The following THUMPD2 variants were observed in gnomAD, a reference collection of about 807,000 sequenced individuals.
THUMPD2 encodes U6 snRNA (guanine-N(2))-methyltransferase THUMPD2.
A neutral mutation model predicts 49.4 loss-of-function variants in THUMPD2; 56 were observed. The observed-to-expected ratio is 1.13, with a 90% CI of 0.91 to 1.41. The LOEUF is 1.41. Among genes scored for constraint, THUMPD2 ranks in the 40% most tolerant of loss-of-function variants. THUMPD2 has a pLI of 0.00. For missense variants in THUMPD2, 709 were observed against 594.5 expected, an observed-to-expected ratio of 1.19 and a Z score of -2.00; for synonymous variants, 237 against 205.2, an observed-to-expected ratio of 1.15 and a Z score of -1.32.
intron 8 of THUMPD2, among the ~76,000 whole-genome samples, chr2:39,747,387 G>A (rs193190913): frequency 5.6e-4 from 85 of 152,162 alleles, no homozygotes; most frequent in African/African-American, 1.9e-3. Flanking sequence ...AGCTTTCAAT[G>A]AAATTTTGAT....
At chr2:39,749,695 C>T (rs1675126408) in intron 8 of THUMPD2, among the ~76,000 whole-genome samples, 1 of 152,090 alleles carries the variant, frequency 6.6e-6, no homozygotes, top group African/African-American at 2.4e-5. Context: ...TACAGATCAA[C>T]CCACCACCTT....
intron 1 of THUMPD2, among the ~76,000 whole-genome samples, chr2:39,774,800 C>G (rs1284756529): frequency 6.6e-6 from 1 of 152,014 alleles, no homozygotes; most frequent in African/African-American, 2.4e-5. Flanking sequence ...TATATACAAT[C>G]TGTTTTTTTC....
intron 9 of THUMPD2, among the ~76,000 whole-genome samples, chr2:39,743,451 A>G (rs929584579): frequency 1.3e-5 from 2 of 152,188 alleles, no homozygotes; most frequent in African/African-American, 4.8e-5. Context: ...CAGAGCTGCT[A>G]TAGTTTGGAT....
At chr2:39,768,134 T>C (rs917691481) in intron 4 of THUMPD2, among the ~76,000 whole-genome samples, 15 of 152,310 alleles carry the variant, frequency 9.8e-5, no homozygotes, top group South Asian at 8.3e-4. Flanking sequence ...ATAGAGACTA[T>C]AGAGAACATC....
intron 8 of THUMPD2, among the ~76,000 whole-genome samples, chr2:39,754,653 C>T (rs754261465): frequency 1.1e-4 from 17 of 152,266 alleles, no homozygotes; most frequent in Admixed American, 2.0e-4. Flanking sequence ...ATTGTCTAAA[C>T]GCCAGGGATC....
intron 8 of THUMPD2, among the ~76,000 whole-genome samples, chr2:39,754,260 C>G (rs1219884591): frequency 6.6e-6 from 1 of 152,138 alleles, no homozygotes; most frequent in Non-Finnish European, 1.5e-5. Flanking sequence ...CCTTAGTTTG[C>G]TCTACAAACT....
At chr2:39,767,657 G>T (rs922477797) in intron 4 of THUMPD2, among the ~76,000 whole-genome samples, 1 of 148,250 alleles carries the variant, frequency 6.7e-6, no homozygotes, top group Non-Finnish European at 1.5e-5. Context: ...AATGATACTC[G>T]TATGTCAAAA....
intron 8 of THUMPD2, 71 bp downstream of exon 8, chr2:39,755,224 T>C: frequency 9.3e-7 from 1 of 1,078,166 alleles, no homozygotes; most frequent in Non-Finnish European, 1.3e-6. Flanking sequence ...GTGAGACTTG[T>C]TTTATATTAT....
intron 9 of THUMPD2, among the ~76,000 whole-genome samples, chr2:39,740,168 G>C (rs1260850329): frequency 6.6e-6 from 1 of 152,046 alleles, no homozygotes; most frequent in African/African-American, 2.4e-5. Context: ...TGTGGTGCTT[G>C]GTCATATAGT....
intron 9 of THUMPD2, among the ~76,000 whole-genome samples, chr2:39,738,174 C>T (rs1253153497): frequency 6.6e-6 from 1 of 151,996 alleles, no homozygotes; most frequent in Non-Finnish European, 1.5e-5. Context: ...AGGAGAAGAC[C>T]CATGAAGTAG....
intron 3 of THUMPD2, chr2:39,769,509 C>T (rs1678021579): frequency 4.3e-6 from 2 of 465,400 alleles, no homozygotes; most frequent in East Asian, 7.4e-5. Context: ...CCAGACCAGC[C>T]TGACCAATAT....
chr2:39,766,867 C>A (rs1677591012), intron 4 of THUMPD2, among the ~76,000 whole-genome samples: 1 of 152,192 alleles, frequency 6.6e-6, no homozygotes. Flanking sequence ...TCCATTTGGT[C>A]AATTTAATTA....
chr2:39,772,441 G>T (rs551842559), intron 1 of THUMPD2, among the ~76,000 whole-genome samples: 13 of 152,196 alleles, frequency 8.5e-5, no homozygotes, highest in Non-Finnish European at 1.6e-4. Context: ...AGAATGTGAT[G>T]CTAGAGGGAG....
intron 5 of THUMPD2, among the ~76,000 whole-genome samples, chr2:39,762,979 C>T (rs993388762): frequency 6.6e-6 from 1 of 151,846 alleles, no homozygotes; most frequent in Non-Finnish European, 1.5e-5. Flanking sequence ...TTTGCTTAAA[C>T]CTGGGCAAAA....
In THUMPD2 at chr2:39,772,610, C is replaced by G. The variant is rs72938136; in HGVS notation, c.127-970G>C. 7.9e-3 allele frequency among the ~76,000 whole-genome samples: 1,208 copies of G among 152,258 alleles called. 19 individuals are homozygous for G. The highest frequency in any genetic ancestry group is 0.028 in the African/African-American group (1,176 of 41,556). On this transcript the variant is annotated intron_variant, in intron 1 of 9. Transcript: ENST00000505747. ...AAAAGAGCACTGACTCACAGGAAGC[C>G]TAACATGCTGTGACAAATGGTGCTC...
chr2:39,773,305 T>C (rs1678582343), intron 1 of THUMPD2, among the ~76,000 whole-genome samples: 1 of 152,002 alleles, frequency 6.6e-6, no homozygotes, highest in Admixed American at 6.6e-5. Flanking sequence ...TGAAATACTT[T>C]ACTAAGATTC....
chr2:39,750,873 T>A (rs941499243), intron 8 of THUMPD2, among the ~76,000 whole-genome samples: 11 of 152,360 alleles, frequency 7.2e-5, no homozygotes, highest in Admixed American at 1.3e-4. Context: ...ATCAGCTGTC[T>A]TAAGAAATAG....
chr2:39,741,577 G>C (rs752126030), intron 9 of THUMPD2, among the ~76,000 whole-genome samples: 102 of 152,230 alleles, frequency 6.7e-4, no homozygotes, highest in Middle Eastern at 3.4e-3. Flanking sequence ...AAACTCAAAT[G>C]TACTTCTCTG....
chr2:39,744,778 A>G (rs1674350920), intron 8 of THUMPD2: 1 of 183,052 alleles, frequency 5.5e-6, no homozygotes, highest in Non-Finnish European at 1.1e-5. Flanking sequence ...TTGTATAGAA[A>G]GCTGCTAGCT....
Sources: gnomAD v4.1 joint callset for allele counts (sites outside exome capture counted in the v4.1 genomes callset) on GRCh38, gnomAD v4.1.1 for gene constraint, MANE v1.5 for transcripts, NCBI Gene and HGNC (gene_info 2026-07-23, HGNC 2026-07-21) for gene names.